The following CENPP variants were observed in gnomAD, a reference collection of about 807,000 sequenced individuals.
CENPP encodes centromere protein P.
In CENPP, 24 loss-of-function variants were observed where a neutral mutation model predicts 35.6. The observed-to-expected ratio is 0.67, with a 90% CI of 0.49 to 0.95. The LOEUF (loss-of-function observed/expected upper bound fraction) is 0.95, where lower values mean the gene tolerates loss of function less well. Among genes scored for constraint, CENPP ranks in the 40% least tolerant of loss-of-function variants. CENPP has a pLI of 0.00. For synonymous variants in CENPP, 120 were observed against 125.5 expected, an observed-to-expected ratio of 0.96 and a Z score of 0.29; for missense variants, 332 against 345.3, an observed-to-expected ratio of 0.96 and a Z score of 0.31.
chr9:92,571,319 G>T (rs573073029), intron 5 of CENPP, among the ~76,000 whole-genome samples: 2 of 152,156 alleles, frequency 1.3e-5, no homozygotes, highest in South Asian at 4.1e-4. Context: ...CTTTATTTCT[G>T]CCTTCATTTC....
At chr9:92,605,721 C>T (rs1260134396) in intron 5 of CENPP, among the ~76,000 whole-genome samples, 1 of 152,116 alleles carries the variant, frequency 6.6e-6, no homozygotes, top group African/African-American at 2.4e-5. Flanking sequence ...ATGTAAATCT[C>T]TGTGACTGTG....
intron 5 of CENPP, among the ~76,000 whole-genome samples, chr9:92,501,373 G>A (rs1375883829): frequency 2.6e-5 from 4 of 152,162 alleles, no homozygotes; most frequent in Admixed American, 6.5e-5. Flanking sequence ...CGGTTGATGC[G>A]TTGAATCCAA....
chr9:92,519,169 C>G (rs1374886018), intron 5 of CENPP, among the ~76,000 whole-genome samples: 2 of 152,174 alleles, frequency 1.3e-5, no homozygotes, highest in African/African-American at 4.8e-5. Flanking sequence ...CTACCCATCT[C>G]TCATTCGAAT....
chr9:92,579,158 A>C (rs1016106331), intron 5 of CENPP, among the ~76,000 whole-genome samples: 1 of 148,606 alleles, frequency 6.7e-6, no homozygotes, highest in East Asian at 2.0e-4. Flanking sequence ...CCATTGATCT[A>C]TATCTCTGTT....
chr9:92,577,802 AT>A (rs1554689789), intron 5 of CENPP, among the ~76,000 whole-genome samples: 1 of 151,554 alleles, frequency 6.6e-6, no homozygotes, highest in African/African-American at 2.4e-5. Flanking sequence ...TTATTTATTT[AT>A]TTATTATTAT....
At chr9:92,520,296 G>T (rs568473458) in intron 5 of CENPP, among the ~76,000 whole-genome samples, 141 of 151,918 alleles carry the variant, frequency 9.3e-4, no homozygotes, top group Middle Eastern at 3.4e-3. Context: ...AAAAAAGAAA[G>T]AAATAGGCAT....
chr9:92,557,846 T>C (rs1411476031), intron 5 of CENPP, among the ~76,000 whole-genome samples: 2 of 152,148 alleles, frequency 1.3e-5, no homozygotes, highest in Admixed American at 1.3e-4. Flanking sequence ...GATTTCAACA[T>C]GTTGGCCAGG....
At chr9:92,379,042 T>C (rs1047608550) in intron 4 of CENPP, among the ~76,000 whole-genome samples, 3 of 152,154 alleles carry the variant, frequency 2.0e-5, no homozygotes, top group Admixed American at 2.0e-4. Context: ...TTCCCACATA[T>C]CTCTCAGGTT....
chr9:92,391,406 C>CA (rs1249458327), intron 5 of CENPP, among the ~76,000 whole-genome samples: 3 of 151,952 alleles, frequency 2.0e-5, no homozygotes, highest in Admixed American at 1.3e-4. Context: ...GACTCCATCT[C>CA]AAAAAATAAA....
chr9:92,516,167 G>A (rs1216851260), intron 5 of CENPP, among the ~76,000 whole-genome samples: 6 of 151,444 alleles, frequency 4.0e-5, no homozygotes, highest in African/African-American at 9.7e-5. Flanking sequence ...GGGTTCAAGC[G>A]ATTCTCCTGC....
At chr9:92,567,403 T>TAG (rs1176766190) in intron 5 of CENPP, among the ~76,000 whole-genome samples, 3 of 138,662 alleles carry the variant, frequency 2.2e-5, no homozygotes, top group Non-Finnish European at 4.7e-5. Context: ...TATAGATATA[T>TAG]ATATAAAGTG....
intron 5 of CENPP, among the ~76,000 whole-genome samples, chr9:92,532,462 C>T (rs1848858572): frequency 1.3e-5 from 2 of 152,094 alleles, no homozygotes; most frequent in African/African-American, 2.4e-5. Flanking sequence ...TCTATAACTA[C>T]AGGTACTTGC....
chr9:92,439,111 G>A (rs369901057), intron 5 of CENPP, among the ~76,000 whole-genome samples: 4 of 152,124 alleles, frequency 2.6e-5, no homozygotes, highest in African/African-American at 4.8e-5. Context: ...CTGTTTGTCC[G>A]TTTTCAAGTA....
At chr9:92,500,546 T>A (rs1321987746) in intron 5 of CENPP, among the ~76,000 whole-genome samples, 1 of 152,134 alleles carries the variant, frequency 6.6e-6, no homozygotes, top group African/African-American at 2.4e-5. Flanking sequence ...TTATAATGAA[T>A]CCTCACATAC....
intron 5 of CENPP, among the ~76,000 whole-genome samples, chr9:92,522,278 G>T (rs1237994526): frequency 5.3e-5 from 8 of 152,008 alleles, no homozygotes. Context: ...AGTAGAGACG[G>T]GGTTTCAACA....
At chr9:92,513,693 A>G (rs1458143486) in intron 5 of CENPP, among the ~76,000 whole-genome samples, 5 of 152,224 alleles carry the variant, frequency 3.3e-5, no homozygotes. Flanking sequence ...TATGTATTGT[A>G]TGATTCCACT....
At chr9:92,371,177 GC>G (rs1333616764) in intron 4 of CENPP, among the ~76,000 whole-genome samples, 1 of 151,972 alleles carries the variant, frequency 6.6e-6, no homozygotes, top group Non-Finnish European at 1.5e-5. Flanking sequence ...GTTTGTTGTT[GC>G]TTTGTTCCTT....
chr9:92,554,647 G>GT (rs1450759108), intron 5 of CENPP, among the ~76,000 whole-genome samples: 2 of 151,446 alleles, frequency 1.3e-5, no homozygotes, highest in South Asian at 2.1e-4. Flanking sequence ...GTTTTGTTTT[G>GT]TTTTTTCCGA....
intron 5 of CENPP, among the ~76,000 whole-genome samples, chr9:92,443,098 G>A (rs1844463217): frequency 6.6e-6 from 1 of 151,930 alleles, no homozygotes; most frequent in South Asian, 2.1e-4. Flanking sequence ...AGGTACAAAA[G>A]TAGAGAAAAA....
Sources: gnomAD v4.1 joint callset for allele counts (sites outside exome capture counted in the v4.1 genomes callset) on GRCh38, gnomAD v4.1.1 for gene constraint, MANE v1.5 for transcripts, NCBI Gene and HGNC (gene_info 2026-07-23, HGNC 2026-07-21) for gene names.